TMEM212: variants seen among roughly 807,000 people sequenced by gnomAD.
TMEM212 encodes transmembrane protein 212.
A neutral mutation model predicts 20.5 loss-of-function variants in TMEM212; 23 were observed. That is an observed-to-expected ratio of 1.12 (90% CI 0.81 to 1.59). TMEM212 has a LOEUF of 1.59. TMEM212 is among the 40% of genes most tolerant of loss of function. TMEM212 has a pLI of 0.00. For synonymous variants in TMEM212, 76 were observed against 81.6 expected, an observed-to-expected ratio of 0.93 and a Z score of 0.37; for missense variants, 211 against 215.0, an observed-to-expected ratio of 0.98 and a Z score of 0.12.
intron 2 of TMEM212, among the ~76,000 whole-genome samples, chr3:171,852,557 A>G (rs1280895538): frequency 2.6e-5 from 4 of 152,162 alleles, no homozygotes; most frequent in African/African-American, 9.7e-5. Context: ...TCCTGTGATC[A>G]TTATTGTATT....
rs192539379 is a variant in TMEM212 at position 171,844,506 on chromosome 3, G to A, written c.159+964G>A. Among the ~76,000 whole-genome samples the A allele has an allele frequency of 2.3e-3, 356 of 152,274 alleles. 6 individuals are homozygous for A. The highest frequency in any genetic ancestry group is 0.018 in the Admixed American group (276 of 15,286). Reference sequence around the variant, plus strand: ...GCGGATCACGAGGTCAGGAGTTCGAGACCAGCCTGACCAACATGGCGAAAC... The same window carrying A: ...GCGGATCACGAGGTCAGGAGTTCGAAACCAGCCTGACCAACATGGCGAAAC... On this transcript the variant is annotated intron_variant, in intron 1 of 4. Coordinates refer to ENST00000334567, the MANE Select transcript of TMEM212 (RefSeq NM_001164436.2).
In TMEM212 at chr3:171,843,431, G is replaced by C; in HGVS notation, c.48G>C (p.Gly16=). The C allele has an allele frequency of 6.5e-7, 1 of 1,536,776 alleles. No individual in the cohort carries two copies. The change falls in exon 1 of 5, where the codon GGG becomes GGC. Residue 16 remains glycine (G), a synonymous_variant. Transcript: ENST00000334567. ...CTGGCCGGATTCTTGTTACTCTGGG[G>C]ATCCTCAGTGTATGCTCTGGAGTTA... ...QAAGRILVTL[G]ILSVCSGVIA...
chr3:171,856,068 C>A (rs1376271927), intron 3 of TMEM212, among the ~76,000 whole-genome samples: 1 of 151,620 alleles, frequency 6.6e-6, no homozygotes, highest in Non-Finnish European at 1.5e-5. Context: ...CCTGTGATTA[C>A]CAAAAAAAAT....
chr3:171,855,638 A>G (rs1481173738), intron 3 of TMEM212, among the ~76,000 whole-genome samples: 2 of 152,152 alleles, frequency 1.3e-5, no homozygotes, highest in Non-Finnish European at 2.9e-5. Flanking sequence ...TCCACATGAC[A>G]CATAAAAGCA....
chr3:171,844,100 T>C (rs965961045), intron 1 of TMEM212, among the ~76,000 whole-genome samples: 1 of 152,198 alleles, frequency 6.6e-6, no homozygotes, highest in South Asian at 2.1e-4. Context: ...TAATTCAAGA[T>C]GGACTTCACA....
intron 1 of TMEM212, among the ~76,000 whole-genome samples, chr3:171,843,747 T>C (rs879355987): frequency 6.6e-6 from 1 of 152,228 alleles, no homozygotes; most frequent in Admixed American, 6.5e-5. Flanking sequence ...TTATCATGTA[T>C]ACATGTATAT....
rs1342716794 is a variant in TMEM212, at chr3:171,853,846, T to A, written c.539T>A (p.Ile180Lys). 12 of 1,532,406 alleles carry A rather than the reference T, an allele frequency of 7.8e-6. No homozygotes were observed. Among genetic ancestry groups the A allele is most frequent in the Middle Eastern group, 1.7e-4 (1 of 5,954 alleles). 94.9% of individuals were successfully genotyped at this position (1,532,406 alleles called of 1,614,324 possible). Residue 180 changes from isoleucine (I) to lysine (K), a missense_variant, in exon 3 of 5, where the codon ATA becomes AAA. Transcript: ENST00000334567. ...LSARLIQNGH[I>K]NMQLPAGNPN... Reference sequence around the variant, plus strand: ...GCAAGACTTATCCAGAATGGACACATAAACGTAAGTTTCAACAAAGGGGAG... The same window carrying A: ...GCAAGACTTATCCAGAATGGACACAAAAACGTAAGTTTCAACAAAGGGGAG...
rs1724985709 is a variant in TMEM212 at position 171,851,913 on chromosome 3, A to G, written c.160-69A>G. On this transcript the variant is annotated intron_variant, in intron 1 of 4. Coordinates refer to ENST00000334567, the MANE Select transcript of TMEM212 (RefSeq NM_001164436.2). ...TTCATGATAAAGTTGTCAAACTGTG[A>G]GACAGATTGAACTCTTTCCAGAGGT... is the stretch of plus-strand genomic sequence containing the variant. The G allele has an allele frequency of 2.2e-6, 3 of 1,348,600 alleles. No homozygotes were observed. The African/African-American group carries it at 4.3e-5, about 19-fold the overall frequency. 83.5% of individuals were successfully genotyped at this position (1,348,600 alleles called of 1,614,324 possible).
chr3:171,853,389 G>C, intron 2 of TMEM212, 138 bp from the exon 3 acceptor site: 1 of 697,196 alleles, frequency 1.4e-6, no homozygotes. Context: ...TATAAAGAGA[G>C]AGTCGTGATT....
intron 1 of TMEM212, among the ~76,000 whole-genome samples, chr3:171,851,150 A>T (rs943145800): frequency 2.0e-5 from 3 of 152,226 alleles, no homozygotes; most frequent in African/African-American, 7.2e-5. Context: ...TTTCTCGCTC[A>T]ACCTCAAAAG....
At chr3:171,846,659 G>T (rs1204516390) in intron 1 of TMEM212, among the ~76,000 whole-genome samples, 1 of 152,154 alleles carries the variant, frequency 6.6e-6, no homozygotes, top group Non-Finnish European at 1.5e-5. Flanking sequence ...TAAAGGTCAG[G>T]GTGGTATTTA....
chr3:171,848,967 C>A (rs1221227165), intron 1 of TMEM212, among the ~76,000 whole-genome samples: 1 of 151,854 alleles, frequency 6.6e-6, no homozygotes, highest in East Asian at 1.9e-4. Flanking sequence ...AAATCTTTCA[C>A]GTTGCTTCAT....
intron 1 of TMEM212, among the ~76,000 whole-genome samples, chr3:171,844,116 C>G (rs1045930489): frequency 1.3e-5 from 2 of 152,152 alleles, no homozygotes; most frequent in Admixed American, 6.5e-5. Flanking sequence ...TCACAATTCA[C>G]TAGGAAAGTA....
chr3:171,849,165 C>G (rs1173242986), intron 1 of TMEM212, among the ~76,000 whole-genome samples: 2 of 152,108 alleles, frequency 1.3e-5, no homozygotes, highest in South Asian at 4.1e-4. Flanking sequence ...CATGCTGCTC[C>G]CACAGACTGA....
At chr3:171,846,576 A>G (rs1347483882) in intron 1 of TMEM212, among the ~76,000 whole-genome samples, 1 of 152,204 alleles carries the variant, frequency 6.6e-6, no homozygotes, top group Non-Finnish European at 1.5e-5. Flanking sequence ...GAATGAGTGA[A>G]TGAATCTCAT....
intron 1 of TMEM212, among the ~76,000 whole-genome samples, chr3:171,847,845 G>T (rs1047731193): frequency 6.6e-6 from 1 of 152,040 alleles, no homozygotes; most frequent in African/African-American, 2.4e-5. Flanking sequence ...TGAGACTAGG[G>T]GGGGTTCTTG....
At chr3:171,852,323 C>T (rs1053102018) in intron 2 of TMEM212, among the ~76,000 whole-genome samples, 1 of 152,034 alleles carries the variant, frequency 6.6e-6, no homozygotes, top group African/African-American at 2.4e-5. Flanking sequence ...GCCTCAGCCT[C>T]CCAAGTAGCT....
chr3:171,846,431 T>A (rs559634274), intron 1 of TMEM212, among the ~76,000 whole-genome samples: 14 of 152,318 alleles, frequency 9.2e-5, no homozygotes, highest in African/African-American at 3.1e-4. Context: ...TATATTCCCC[T>A]CTCCTCTAAC....
At chr3:171,851,214 G>A (rs1414724911) in intron 1 of TMEM212, among the ~76,000 whole-genome samples, 1 of 152,212 alleles carries the variant, frequency 6.6e-6, no homozygotes, top group African/African-American at 2.4e-5. Flanking sequence ...GCTATTTCCA[G>A]TCTCAGTGAC....
Sources: allele counts gnomAD v4.1 joint callset (sites outside exome capture counted in the v4.1 genomes callset), GRCh38; gene constraint gnomAD v4.1.1; transcripts MANE v1.5; gene names NCBI Gene and HGNC (gene_info 2026-07-23, HGNC 2026-07-21).